CBX7: variants seen among roughly 807,000 people sequenced by gnomAD.
CBX7 encodes chromobox protein homolog 7.
A neutral mutation model predicts 31.4 loss-of-function variants in CBX7; 14 were observed. The observed-to-expected ratio is 0.45, with a 90% CI of 0.29 to 0.70. The LOEUF (loss-of-function observed/expected upper bound fraction) is 0.70. Ranked by LOEUF, CBX7 falls within the 30% of genes least tolerant of loss-of-function variation. CBX7 has a pLI of 0.11. For missense variants in CBX7, 269 were observed against 351.9 expected (o/e 0.76, Z 1.89); for synonymous variants, 159 against 152.6 (o/e 1.04, Z -0.31).
intron 4 of CBX7, among the ~76,000 whole-genome samples, chr22:39,137,136 C>T (rs1414507937): frequency 6.6e-6 from 1 of 152,144 alleles, no homozygotes; most frequent in Non-Finnish European, 1.5e-5. Flanking sequence ...GCAGAGCATT[C>T]CTTATCCGAA....
rs144241706 is a variant in CBX7 at position 39,142,806 on chromosome 22, C to T, written c.114-1370G>A. Among the ~76,000 whole-genome samples the T allele has an allele frequency of 7.0e-3, 1,070 of 151,990 alleles. 16 individuals carry two copies. Among genetic ancestry groups the T allele is most frequent in the African/African-American group, 0.025 (1,038 of 41,394 alleles). ...TAACATTTCTGTCCGTGACGGCCTG[C>T]GCATGTAATGGTGGACCCATAAAAT... is the stretch of plus-strand genomic sequence containing the variant. On this transcript the variant is annotated intron_variant, in intron 2 of 5. Transcript: ENST00000216133.
At position 39,134,066 on chromosome 22, in the gene CBX7, C is replaced by T. The variant is rs1359576431; in HGVS notation, c.599-18G>A. On this transcript the variant is annotated intron_variant, in intron 5 of 5. Coordinates refer to ENST00000216133, the MANE Select transcript of CBX7 (RefSeq NM_175709.5). ...GGCATCTGCTGCAGCGTCAGACACA[C>T]AGATGGGGGCAGCGTTGACAAGGTG... 1 of 1,576,388 alleles carries T rather than the reference C, an allele frequency of 6.3e-7. No homozygotes were observed. The highest frequency in any genetic ancestry group is 1.4e-5 in the African/African-American group (1 of 74,070).
chr22:39,141,233 C>T (rs1358112294), intron 3 of CBX7, 138 bp downstream of exon 3: 1 of 641,606 alleles, frequency 1.6e-6, no homozygotes, highest in Middle Eastern at 3.5e-4. Flanking sequence ...CCATTTTCAC[C>T]CAGCTGCAGG....
intron 4 of CBX7, chr22:39,136,408 C>T (rs891728270): frequency 6.6e-6 from 1 of 152,542 alleles, no homozygotes; most frequent in African/African-American, 2.4e-5. Context: ...GCATAAAAGA[C>T]ACTGTGGCTT....
intron 2 of CBX7, chr22:39,147,125 A>C (rs1394202871): frequency 2.6e-5 from 2 of 76,378 alleles, no homozygotes; most frequent in Admixed American, 2.0e-4. Flanking sequence ...TTTGTGGGGG[A>C]CGGCGTCTCA....
In CBX7 at chr22:39,133,847, C is replaced by A; in HGVS notation, c.*44G>T. ...CATCCCTATCTCTGGAAGTCCCACCCCAAGCCCAAAAGAAAACAGTTTAAG... is the reference window on the plus strand; with the variant it reads ...CATCCCTATCTCTGGAAGTCCCACCACAAGCCCAAAAGAAAACAGTTTAAG... On this transcript the variant is annotated 3_prime_UTR_variant, in exon 6 of 6. Coordinates refer to ENST00000216133, the MANE Select transcript of CBX7 (RefSeq NM_175709.5). The A allele has an allele frequency of 6.6e-7, 1 of 1,524,942 alleles. No individual in the cohort carries two copies. The allele number at this position is 1,524,942 out of a possible 1,614,324, so 94.5% of individuals were successfully genotyped here. A position where few individuals can be genotyped will look rare whatever the true frequency, so the allele number is the denominator to read the frequency against.
chr22:39,130,788 T>C lies in CBX7; in HGVS notation c.*3103A>G, dbSNP rs1930007190. The C allele has an allele frequency of 6.6e-6, 1 of 152,576 alleles. No individual in the cohort carries two copies. The highest frequency in any genetic ancestry group is 6.5e-5 in the Admixed American group (1 of 15,278). The allele number at this position is 152,576 out of a possible 1,614,324, so 9.5% of individuals were successfully genotyped here. A position where few individuals can be genotyped will look rare whatever the true frequency, so the allele number is the denominator to read the frequency against. On this transcript the variant is annotated 3_prime_UTR_variant, in exon 6 of 6. Transcript: ENST00000216133. ...GCCCAGGAATTTTCTTTTTTTTAAA[T>C]CATCTTTAATGTATTTTTAATAATT... is the stretch of plus-strand genomic sequence containing the variant.
intron 4 of CBX7, 25 bp from the exon 5 acceptor site, chr22:39,134,777 C>T (rs1429589791): frequency 1.9e-5 from 27 of 1,402,886 alleles, no homozygotes; most frequent in East Asian, 2.5e-5. Flanking sequence ...CAGGGCAGCG[C>T]GGGTCAGCCC....
At chr22:39,149,430 TG>T (rs1930774502) in intron 2 of CBX7, 1 of 387,982 alleles carries the variant, frequency 2.6e-6, no homozygotes. Flanking sequence ...TTAAAGCAGC[TG>T]GGGTCCCCTC....
At chr22:39,144,498 CA>C (rs1930571493) in intron 2 of CBX7, among the ~76,000 whole-genome samples, 2 of 152,224 alleles carry the variant, frequency 1.3e-5, no homozygotes, top group Admixed American at 1.3e-4. Context: ...AGAGCCACCG[CA>C]AAGTGGCCCG....
intron 4 of CBX7, chr22:39,136,837 C>T (rs1930271670): frequency 6.6e-6 from 1 of 152,300 alleles, no homozygotes; most frequent in Admixed American, 6.5e-5. Context: ...CAGCCTGGCA[C>T]ACAGACGTCC....
chr22:39,132,162 G>A lies in CBX7; in HGVS notation c.*1729C>T, dbSNP rs1296035665. On this transcript the variant is annotated 3_prime_UTR_variant, in exon 6 of 6. Coordinates refer to ENST00000216133, the MANE Select transcript of CBX7 (RefSeq NM_175709.5). Reference sequence around the variant, plus strand: ...GAAGGAAAGAGAGACTCAGGGATCTGGGAAGCCTGTCAACAGAGCACCCCA... The same window carrying A: ...GAAGGAAAGAGAGACTCAGGGATCTAGGAAGCCTGTCAACAGAGCACCCCA... 1 of 152,344 alleles carries A rather than the reference G, an allele frequency of 6.6e-6. No individual in the cohort carries two copies. The highest frequency in any genetic ancestry group is 1.5e-5 in the Non-Finnish European group (1 of 68,132). The allele number at this position is 152,344 out of a possible 1,614,324, so 9.4% of individuals were successfully genotyped here.
At chr22:39,149,533 C>T in intron 2 of CBX7, 1 of 548,922 alleles carries the variant, frequency 1.8e-6, no homozygotes, top group Non-Finnish European at 3.2e-6. Context: ...GGAGGGAGAG[C>T]AGAAGCTCCA....
At chr22:39,151,371 T>C (rs763216182) in intron 1 of CBX7, among the ~76,000 whole-genome samples, 60 of 152,114 alleles carry the variant, frequency 3.9e-4, no homozygotes, top group Non-Finnish European at 6.8e-4. Context: ...GTTTTCTCTA[T>C]GGAGAAAGAA....
intron 2 of CBX7, among the ~76,000 whole-genome samples, chr22:39,143,981 C>T (rs1175058208): frequency 1.3e-5 from 2 of 152,230 alleles, no homozygotes; most frequent in East Asian, 1.9e-4. Context: ...GCCCTATGGT[C>T]CTGGCCAGAG....
At chr22:39,151,234 G>A (rs1601569059) in intron 1 of CBX7, among the ~76,000 whole-genome samples, 1 of 152,138 alleles carries the variant, frequency 6.6e-6, no homozygotes, top group East Asian at 1.9e-4. Context: ...GAAAACCCTA[G>A]GAAAAAGGAG....
chr22:39,138,106 G>A lies in CBX7; in HGVS notation c.246+530C>T, dbSNP rs922654132. 5.9e-5 allele frequency among the ~76,000 whole-genome samples: 9 copies of A among 151,762 alleles called. No individual in the cohort carries two copies. The East Asian group carries it at 1.6e-3, about 26-fold the overall frequency. ...TGAGGCAGGAGAATGGCGTGAACCC[G>A]GGAGGTGGAGCTTGCAGTGAGCCAA... On this transcript the variant is annotated intron_variant, in intron 4 of 5. Coordinates refer to ENST00000216133, the MANE Select transcript of CBX7 (RefSeq NM_175709.5).
At chr22:39,147,846 T>C (rs1352533956) in intron 2 of CBX7, 3 of 152,264 alleles carry the variant, frequency 2.0e-5, no homozygotes, top group African/African-American at 4.8e-5. Context: ...CTGAGAAGAA[T>C]GGAATCCCTT....
intron 4 of CBX7, chr22:39,135,624 T>C (rs898353439): frequency 6.6e-6 from 1 of 152,218 alleles, no homozygotes; most frequent in African/African-American, 2.4e-5. Context: ...CAGGTCCCAC[T>C]CACAGTCGTG....
Sources: allele counts gnomAD v4.1 joint callset (sites outside exome capture counted in the v4.1 genomes callset), GRCh38; gene constraint gnomAD v4.1.1; transcripts MANE v1.5; gene names NCBI Gene and HGNC (gene_info 2026-07-23, HGNC 2026-07-21).